Variants in AKT3 observed in about 807,000 individuals in gnomAD.
AKT3 encodes the protein AKT serine/threonine kinase 3.
AKT3 carries 15 observed loss-of-function variants against 65.3 expected under a neutral mutation model. The observed-to-expected ratio is 0.23, with a 90% CI of 0.15 to 0.35. The LOEUF (loss-of-function observed/expected upper bound fraction) is 0.35, where lower values mean the gene tolerates loss of function less well. Among genes scored for constraint, AKT3 ranks in the 10% least tolerant of loss-of-function variants. The probability of loss-of-function intolerance (pLI) is 1.00; values close to 1 mark genes in which losing one functional copy is unlikely to be tolerated. For missense variants in AKT3, 243 were observed against 576.5 expected, an observed-to-expected ratio of 0.42 and a Z score of 5.92; for synonymous variants, 206 against 183.8, an observed-to-expected ratio of 1.12 and a Z score of -0.98.
At chr1:243,843,063 A>C in intron 2 of AKT3, 62 bp downstream of exon 2, 1 of 1,551,672 alleles carries the variant, frequency 6.4e-7, no homozygotes, top group Non-Finnish European at 8.9e-7. Context: ...TCAACTTCTA[A>C]GACACCACTC....
chr1:243,622,645 GA>G (rs1274082037), intron 6 of AKT3, among the ~76,000 whole-genome samples: 3 of 152,132 alleles, frequency 2.0e-5, no homozygotes, highest in Non-Finnish European at 4.4e-5. Flanking sequence ...CTGAAGAATA[GA>G]AGCTACACGA....
At chr1:243,811,756 A>C (rs1489004970) in intron 2 of AKT3, among the ~76,000 whole-genome samples, 1 of 152,196 alleles carries the variant, frequency 6.6e-6, no homozygotes, top group East Asian at 1.9e-4. Flanking sequence ...GCATCATACT[A>C]CCTGTCTTCA....
At chr1:243,772,798 C>A (rs1439635805) in intron 2 of AKT3, among the ~76,000 whole-genome samples, 3 of 152,106 alleles carry the variant, frequency 2.0e-5, no homozygotes, top group Non-Finnish European at 4.4e-5. Flanking sequence ...AAATGTCCAA[C>A]AATGACAGAC....
intron 3 of AKT3, among the ~76,000 whole-genome samples, chr1:243,674,150 A>G (rs1558706358): frequency 1.3e-5 from 2 of 152,238 alleles, no homozygotes; most frequent in Admixed American, 6.5e-5. Context: ...ATGTTAAAAA[A>G]TACCTAAAAG....
upstream of AKT3, among the ~76,000 whole-genome samples, chr1:243,850,379 T>C (rs904866145): frequency 1.4e-4 from 21 of 150,210 alleles, no homozygotes; most frequent in African/African-American, 4.4e-4. Context: ...AGACTCTACA[T>C]GGGAATCGGA....
At chr1:243,639,326 TA>T (rs1486375780) in intron 5 of AKT3, among the ~76,000 whole-genome samples, 2 of 152,218 alleles carry the variant, frequency 1.3e-5, no homozygotes, top group African/African-American at 4.8e-5. Flanking sequence ...ACACCAATTT[TA>T]TACAAATTCT....
intron 2 of AKT3, among the ~76,000 whole-genome samples, chr1:243,836,721 A>C (rs1432249627): frequency 6.6e-6 from 1 of 151,802 alleles, no homozygotes; most frequent in Non-Finnish European, 1.5e-5. Context: ...GACCAGCCTG[A>C]CCAAAATGGA....
chr1:243,512,240 T>G (rs760917106), intron 13 of AKT3, 84 bp downstream of exon 13: 231 of 685,870 alleles, frequency 3.4e-4, no homozygotes, highest in Non-Finnish European at 4.6e-4. Flanking sequence ...AAATATCAGA[T>G]GAGTTTTTAA....
At chr1:243,612,352 T>A (rs1269499257) in intron 8 of AKT3, 1 of 152,092 alleles carries the variant, frequency 6.6e-6, no homozygotes, top group Non-Finnish European at 1.5e-5. Flanking sequence ...TGAGCTCAAG[T>A]GATCCACCCG....
At chr1:243,537,725 G>A (rs903884642) in intron 12 of AKT3, among the ~76,000 whole-genome samples, 3 of 152,122 alleles carry the variant, frequency 2.0e-5, no homozygotes, top group African/African-American at 4.8e-5. Context: ...GCAAACATAC[G>A]AGGTCGACTT....
In AKT3 at chr1:243,500,847, G is replaced by C. The variant is rs1574489459; in HGVS notation, c.*4402C>G. On this transcript the variant is annotated 3_prime_UTR_variant, in exon 14 of 14. Transcript: ENST00000673466. ...TAAAAGGTTCAAGCCTGAAACAGTA[G>C]AACTTCTATTCAGATTCAGAAGTTT... The C allele has an allele frequency of 4.4e-6, 1 of 229,230 alleles. No individual in the cohort carries two copies. Among genetic ancestry groups the C allele is most frequent in the South Asian group, 1.8e-4 (1 of 5,500 alleles). 14.2% of individuals were successfully genotyped at this position (229,230 alleles called of 1,614,324 possible).
intron 3 of AKT3, among the ~76,000 whole-genome samples, chr1:243,668,473 G>A (rs547223259): frequency 2.6e-5 from 4 of 151,996 alleles, no homozygotes; most frequent in South Asian, 2.1e-4. Context: ...TAAAGTCATC[G>A]GGAATAACGT....
intron 2 of AKT3, among the ~76,000 whole-genome samples, chr1:243,736,921 G>A (rs544613276): frequency 2.8e-4 from 43 of 152,184 alleles, no homozygotes; most frequent in South Asian, 8.3e-4. Flanking sequence ...TAAATGAACC[G>A]TCACACACAA....
At chr1:243,706,511 T>C (rs1457941290) in intron 2 of AKT3, among the ~76,000 whole-genome samples, 2 of 152,210 alleles carry the variant, frequency 1.3e-5, no homozygotes, top group Non-Finnish European at 2.9e-5. Flanking sequence ...GACTTTATCT[T>C]AGACTCTTAC....
chr1:243,560,066 T>C (rs1673668851), intron 10 of AKT3, among the ~76,000 whole-genome samples: 1 of 152,114 alleles, frequency 6.6e-6, no homozygotes, highest in East Asian at 1.9e-4. Context: ...AACTGTTACA[T>C]TTCAATCCCT....
chr1:243,596,189 A>G (rs1676600186), intron 8 of AKT3, among the ~76,000 whole-genome samples: 1 of 152,218 alleles, frequency 6.6e-6, no homozygotes, highest in Non-Finnish European at 1.5e-5. Context: ...GGGGTACACA[A>G]ACATTTCTTG....
At chr1:243,614,415 A>T (rs1267016598) in intron 7 of AKT3, among the ~76,000 whole-genome samples, 1 of 152,154 alleles carries the variant, frequency 6.6e-6, no homozygotes, top group Non-Finnish European at 1.5e-5. Flanking sequence ...AATATAGTTC[A>T]TTGGAACCAA....
At chr1:243,582,769 T>G (rs1057218570) in intron 8 of AKT3, among the ~76,000 whole-genome samples, 2 of 152,112 alleles carry the variant, frequency 1.3e-5, no homozygotes, top group African/African-American at 4.8e-5. Context: ...GTATTAGCTT[T>G]GAATGTAAAT....
chr1:243,832,638 G>A (rs1694612176), intron 2 of AKT3, among the ~76,000 whole-genome samples: 1 of 152,162 alleles, frequency 6.6e-6, no homozygotes, highest in Non-Finnish European at 1.5e-5. Context: ...CACTGATGTG[G>A]CTTTTTACTC....
Sources: gnomAD v4.1 joint callset for allele counts (sites outside exome capture counted in the v4.1 genomes callset) on GRCh38, gnomAD v4.1.1 for gene constraint, MANE v1.5 for transcripts, NCBI Gene and HGNC (gene_info 2026-07-23, HGNC 2026-07-21) for gene names.